Variants in ZNF385D observed in about 807,000 individuals in gnomAD.
ZNF385D encodes the protein zinc finger protein 659.
In ZNF385D, 15 loss-of-function variants were observed where a neutral mutation model predicts 35.8. That is an observed-to-expected ratio of 0.42 (90% CI 0.28 to 0.64). The LOEUF (loss-of-function observed/expected upper bound fraction) is 0.64. Among genes scored for constraint, ZNF385D ranks in the 30% least tolerant of loss-of-function variants. ZNF385D has a pLI of 0.23. For synonymous variants in ZNF385D, 212 were observed against 186.8 expected (o/e 1.13, Z -1.10); for missense variants, 474 against 494.6 (o/e 0.96, Z 0.39).
At chr3:22,026,150 T>G (rs1448309271) in intron 3 of ZNF385D, among the ~76,000 whole-genome samples, 1 of 152,132 alleles carries the variant, frequency 6.6e-6, no homozygotes, top group African/African-American at 2.4e-5. Context: ...CCTACTGCAT[T>G]CCTACCTACA....
Position 22,212,906 on chromosome 3 carries a change from A to T in ZNF385D, c.107-43871T>A, listed in dbSNP as rs542431372. Among the ~76,000 whole-genome samples the T allele has an allele frequency of 6.6e-5, 10 of 152,128 alleles. No homozygotes were observed. In the South Asian group the frequency reaches 2.1e-3, roughly 32 times the overall value. On this transcript the variant is annotated intron_variant, in intron 2 of 5. Coordinates refer to the ZNF385D transcript ENST00000494108. ...ATTTAAGATGCACAGCCAAATTGAT[A>T]ACCTTAACTAAGGAAAAAAAATCAA... is the stretch of plus-strand genomic sequence containing the variant.
chr3:21,567,001 C>T (rs2063171756), intron 2 of ZNF385D, among the ~76,000 whole-genome samples: 1 of 152,168 alleles, frequency 6.6e-6, no homozygotes. Flanking sequence ...TGCTCAGATT[C>T]ATCCATGTTG....
At position 21,474,117 on chromosome 3, in the gene ZNF385D, A is replaced by AT. The variant is rs879945004; in HGVS notation, c.439+36743dup. On this transcript the variant is annotated intron_variant, in intron 4 of 7. Coordinates refer to ENST00000281523, the MANE Select transcript of ZNF385D (RefSeq NM_024697.3). ...GTACCTTCGAGAACACGTGGAACAA[A>AT]TTTTTTTTTAATGGATTGATGTTGC... 3.3e-4 allele frequency among the ~76,000 whole-genome samples: 6 copies of AT among 17,928 alleles called. No homozygotes were observed. In the South Asian group the frequency reaches 3.9e-3, roughly 12 times the overall value. The allele number at this position is 17,928 out of a possible 152,430, so 11.8% of individuals were successfully genotyped here. A position where few individuals can be genotyped will look rare whatever the true frequency, so the allele number is the denominator to read the frequency against.
chr3:21,868,775 T>A (rs1212334580), intron 3 of ZNF385D, among the ~76,000 whole-genome samples: 3 of 152,130 alleles, frequency 2.0e-5, no homozygotes, highest in Non-Finnish European at 4.4e-5. Context: ...GAAGATAATA[T>A]GTTTGTACCT....
At chr3:22,359,773 A>G (rs972805721) in intron 2 of ZNF385D, among the ~76,000 whole-genome samples, 6 of 151,958 alleles carry the variant, frequency 3.9e-5, no homozygotes, top group Non-Finnish European at 8.8e-5. Flanking sequence ...TACAGATAGT[A>G]TATGTCTCAT....
intron 3 of ZNF385D, among the ~76,000 whole-genome samples, chr3:22,132,728 G>C (rs1400019782): frequency 6.6e-6 from 1 of 151,850 alleles, no homozygotes; most frequent in Non-Finnish European, 1.5e-5. Context: ...ATAAGAGATA[G>C]TAATATTATA....
chr3:21,599,223 T>C (rs939372397), intron 2 of ZNF385D, among the ~76,000 whole-genome samples: 16 of 152,168 alleles, frequency 1.1e-4, no homozygotes, highest in Admixed American at 9.8e-4. Flanking sequence ...CTATTTTTTG[T>C]ATATGTGAGG....
At position 22,267,129 on chromosome 3, in the gene ZNF385D, G is replaced by A. The variant is rs555418923; in HGVS notation, c.107-98094C>T. Among the ~76,000 whole-genome samples, 4 of 152,018 alleles carry A rather than the reference G, an allele frequency of 2.6e-5. No individual in the cohort carries two copies. In the South Asian group the frequency reaches 8.3e-4, roughly 31 times the overall value. On this transcript the variant is annotated intron_variant, in intron 2 of 5. Transcript: ENST00000494108. Reference sequence around the variant, plus strand: ...ACGTCATGAACTAAGCTAACTCACTGCTTTCATCAGGGAATAATCTGAAAG... The same window carrying A: ...ACGTCATGAACTAAGCTAACTCACTACTTTCATCAGGGAATAATCTGAAAG...
At chr3:21,743,523 G>A (rs1401153942) in intron 1 of ZNF385D, among the ~76,000 whole-genome samples, 1 of 152,212 alleles carries the variant, frequency 6.6e-6, no homozygotes, top group African/African-American at 2.4e-5. Flanking sequence ...CAAGTTCAAG[G>A]CGTAGGCCTG....
chr3:22,240,574 T>G (rs1041461784), intron 2 of ZNF385D, among the ~76,000 whole-genome samples: 3 of 151,004 alleles, frequency 2.0e-5, no homozygotes, highest in South Asian at 4.3e-4. Context: ...CCCTGCTTCA[T>G]GGACTGCACA....
At chr3:21,755,438 G>A (rs1421921285), upstream of ZNF385D, among the ~76,000 whole-genome samples, 2 of 152,152 alleles carry the variant, frequency 1.3e-5, no homozygotes, top group African/African-American at 4.8e-5. Context: ...ACTCTTCACT[G>A]TGTGAAACCT....
At chr3:22,338,882 G>A (rs1324484510) in intron 2 of ZNF385D, among the ~76,000 whole-genome samples, 1 of 151,720 alleles carries the variant, frequency 6.6e-6, no homozygotes, top group Non-Finnish European at 1.5e-5. Context: ...TGTATTTTTA[G>A]TAGAGATGGA....
chr3:22,050,337 G>A (rs992619849), intron 3 of ZNF385D, among the ~76,000 whole-genome samples: 1 of 152,046 alleles, frequency 6.6e-6, no homozygotes, highest in Non-Finnish European at 1.5e-5. Context: ...ACTCCAGCCT[G>A]AGTGACAGAG....
At chr3:21,422,576 C>T (rs764684716) in intron 7 of ZNF385D, among the ~76,000 whole-genome samples, 4 of 152,052 alleles carry the variant, frequency 2.6e-5, no homozygotes, top group South Asian at 4.1e-4. Flanking sequence ...TGATGAACAT[C>T]GATGCAAAAC....
At chr3:21,470,405 A>G (rs1170741719) in intron 4 of ZNF385D, among the ~76,000 whole-genome samples, 1 of 152,146 alleles carries the variant, frequency 6.6e-6, no homozygotes, top group Non-Finnish European at 1.5e-5. Context: ...CATTGTCCCC[A>G]GATTTCTATA....
chr3:21,988,124 G>A lies in ZNF385D; in HGVS notation c.325+180693C>T, dbSNP rs1166723593. Among the ~76,000 whole-genome samples the A allele has an allele frequency of 5.6e-5, 7 of 124,934 alleles. 1 individual carries two copies. The highest frequency in any genetic ancestry group is 1.2e-4 in the Non-Finnish European group (7 of 58,324). 82.0% of individuals were successfully genotyped at this position (124,934 alleles called of 152,430 possible). On this transcript the variant is annotated intron_variant, in intron 3 of 5. Transcript: ENST00000494108. ...TTGCCTTTGGTTTGAATGTCCTCCCGTAGCTCAGAGTCATTTGATCATCTG... is the reference window on the plus strand; with the variant it reads ...TTGCCTTTGGTTTGAATGTCCTCCCATAGCTCAGAGTCATTTGATCATCTG...
intron 3 of ZNF385D, among the ~76,000 whole-genome samples, chr3:21,841,682 A>G (rs1678005243): frequency 6.6e-6 from 1 of 152,020 alleles, no homozygotes. Flanking sequence ...AAGTTATTAA[A>G]CACAAGTATA....
intron 4 of ZNF385D, among the ~76,000 whole-genome samples, chr3:21,489,169 T>C (rs1705236548): frequency 6.6e-6 from 1 of 152,118 alleles, no homozygotes; most frequent in Non-Finnish European, 1.5e-5. Flanking sequence ...GTAGAGGGAA[T>C]GATTCCAATA....
At chr3:21,941,488 CTCTTTT>C (rs1701513983) in intron 3 of ZNF385D, among the ~76,000 whole-genome samples, 1 of 100,658 alleles carries the variant, frequency 9.9e-6, no homozygotes, top group Non-Finnish European at 1.9e-5. Flanking sequence ...AATTCCATTA[CTCTTTT>C]TTTTTTTTTT....
Sources: allele counts gnomAD v4.1 joint callset (sites outside exome capture counted in the v4.1 genomes callset), GRCh38; gene constraint gnomAD v4.1.1; transcripts MANE v1.5; gene names NCBI Gene and HGNC (gene_info 2026-07-23, HGNC 2026-07-21).